ABHD2: variants seen among roughly 807,000 people sequenced by gnomAD.
ABHD2 encodes monoacylglycerol lipase ABHD2.
ABHD2 carries 20 observed loss-of-function variants against 48.1 expected under a neutral mutation model. The ratio of observed to expected loss-of-function variants is 0.42; its 90% confidence interval spans 0.29 to 0.60. The LOEUF is 0.60. Ranked by LOEUF, ABHD2 falls within the 20% of genes least tolerant of loss-of-function variation. ABHD2 has a pLI of 0.24. For missense variants in ABHD2, 405 were observed against 550.9 expected (o/e 0.74, Z 2.65); for synonymous variants, 209 against 214.2 (o/e 0.98, Z 0.21).
rs1301766923 is a variant in ABHD2, at chr15:89,196,833, A to T, written c.*1410A>T. 2.0e-5 allele frequency: 3 copies of T among 152,620 alleles called. No homozygotes were observed. The highest frequency in any genetic ancestry group is 7.2e-5 in the African/African-American group (3 of 41,450). 9.5% of individuals were successfully genotyped at this position (152,620 alleles called of 1,614,324 possible). A position where few individuals can be genotyped will look rare whatever the true frequency, so the allele number is the denominator to read the frequency against. On this transcript the variant is annotated 3_prime_UTR_variant, in exon 11 of 11. Transcript: ENST00000352732. ...AGTGTGTCTTCTCAAGTGAAAACGC[A>T]ACTCTAGGTTTCAAGTACTCCTTTT...
chr15:89,093,965 G>C (rs184969320), intron 1 of ABHD2: 1 of 152,000 alleles, frequency 6.6e-6, no homozygotes, highest in Non-Finnish European at 1.5e-5. Flanking sequence ...CTTAACCTTC[G>C]TCTTGCTTTT....
At chr15:89,103,167 A>G (rs1179922503) in intron 1 of ABHD2, among the ~76,000 whole-genome samples, 1 of 152,240 alleles carries the variant, frequency 6.6e-6, no homozygotes. Flanking sequence ...AGTCAAGCTC[A>G]GGACTACTTG....
chr15:89,194,015 C>A (rs1440198987), intron 10 of ABHD2, among the ~76,000 whole-genome samples: 2 of 151,980 alleles, frequency 1.3e-5, no homozygotes. Context: ...CACTTGAGTC[C>A]AGAAGTTCGA....
Position 89,195,273 on chromosome 15 carries a change from CT to C in ABHD2, c.1130del (p.Leu377TrpfsTer14). On this transcript the variant is annotated frameshift_variant, in exon 11 of 11. Transcript: ENST00000352732. LOFTEE classifies it high-confidence loss of function. This position sits in a 1 kb window ranked among gnomAD's most constrained non-coding sequence, Gnocchi z 5.1. ...MFVLPLHGGH[L>X]GFFEGSVLFP... Reference sequence around the variant, plus strand: ...TTGTGCTGCCTCTGCATGGGGGCCACTTGGGCTTCTTTGAGGGCTCTGTGCT... The same window carrying C: ...TTGTGCTGCCTCTGCATGGGGGCCACTGGGCTTCTTTGAGGGCTCTGTGCT... The C allele has an allele frequency of 6.2e-7, 1 of 1,614,210 alleles. No homozygotes were observed. The highest frequency in any genetic ancestry group is 8.5e-7 in the Non-Finnish European group (1 of 1,180,030).
rs2050954924 is a variant in ABHD2, at chr15:89,173,052, T to G, written c.539-2760T>G. 6.6e-6 allele frequency among the ~76,000 whole-genome samples: 1 copy of G among 152,240 alleles called. No homozygotes were observed. The highest frequency in any genetic ancestry group is 1.5e-5 in the Non-Finnish European group (1 of 68,038). ...TTAGCCATGAGGCCAGGCTGCTCCT[T>G]TAAGGCCTGGTTTTCAGTGCCTGTT... On this transcript the variant is annotated intron_variant, in intron 5 of 10. Coordinates refer to ENST00000352732, the MANE Select transcript of ABHD2 (RefSeq NM_152924.5). This position sits in a 1 kb window ranked among gnomAD's most constrained non-coding sequence, Gnocchi z 6.5.
chr15:89,114,397 T>G lies in ABHD2; in HGVS notation c.-7+573T>G, dbSNP rs2049923305. ...AGACCCCAAGTTAAGGATCCTTGTT[T>G]TAGGGGTTTATAGACAGCTTTCAGG... On this transcript the variant is annotated intron_variant, in intron 2 of 10. Coordinates refer to ENST00000352732, the MANE Select transcript of ABHD2 (RefSeq NM_152924.5). The surrounding 1 kb of genome is among the most constrained non-coding windows in gnomAD (Gnocchi z 4.2). Among the ~76,000 whole-genome samples, 1 of 152,160 alleles carries G rather than the reference T, an allele frequency of 6.6e-6. No individual in the cohort carries two copies. Among genetic ancestry groups the G allele is most frequent in the Non-Finnish European group, 1.5e-5 (1 of 68,028 alleles).
At chr15:89,046,122 G>T in the ABHD2 span, among the ~76,000 whole-genome samples, 3 of 152,242 alleles carry the variant, frequency 2.0e-5, no homozygotes, top group African/African-American at 4.8e-5. Context: ...GTTGAATTTT[G>T]TCAAAGGCCT....
Position 89,188,108 on chromosome 15 carries a change from G to A in ABHD2, c.816-85G>A. 1 of 1,185,376 alleles carries A rather than the reference G, an allele frequency of 8.4e-7. No homozygotes were observed. Among genetic ancestry groups the A allele is most frequent in the Non-Finnish European group, 1.2e-6 (1 of 801,728 alleles). The allele number at this position is 1,185,376 out of a possible 1,614,324, so 73.4% of individuals were successfully genotyped here. ...ACTGACCACGTTGGCTCTCCCTCCT[G>A]GCTTGCTGTGGCAAGGAAGCAGGCT... is the stretch of plus-strand genomic sequence containing the variant. On this transcript the variant is annotated intron_variant, in intron 7 of 10. Transcript: ENST00000352732. The surrounding 1 kb of genome is among the most constrained non-coding windows in gnomAD (Gnocchi z 4.1).
At chr15:89,046,175 T>C in the ABHD2 span, among the ~76,000 whole-genome samples, 1 of 152,178 alleles carries the variant, frequency 6.6e-6, no homozygotes, top group Admixed American at 6.5e-5. Flanking sequence ...TTGTCTTTGG[T>C]TCTGTTTATG....
intron 3 of ABHD2, among the ~76,000 whole-genome samples, chr15:89,148,862 TTA>T (rs2050542360): frequency 1.3e-5 from 2 of 152,232 alleles, no homozygotes. Context: ...TCTTCAGTAT[TTA>T]TATGTTTATA....
chr15:89,113,170 C>T (rs766852285), intron 1 of ABHD2, among the ~76,000 whole-genome samples: 1 of 152,194 alleles, frequency 6.6e-6, no homozygotes, highest in Non-Finnish European at 1.5e-5. Context: ...CAGCCTCTGG[C>T]CATAGTCTGA....
At chr15:89,110,768 T>C (rs1405319714) in intron 1 of ABHD2, among the ~76,000 whole-genome samples, 3 of 152,200 alleles carry the variant, frequency 2.0e-5, no homozygotes, top group Admixed American at 2.0e-4. Context: ...TCTCATAGAA[T>C]TGCCTTCCCT....
the ABHD2 span, among the ~76,000 whole-genome samples, chr15:89,072,612 A>G: frequency 3.3e-5 from 5 of 151,120 alleles, no homozygotes; most frequent in Non-Finnish European, 7.4e-5. Context: ...GAGGGAAGGG[A>G]AAGTTAAGTT....
At chr15:89,153,770 C>T (rs188303706) in intron 4 of ABHD2, among the ~76,000 whole-genome samples, 2 of 152,212 alleles carry the variant, frequency 1.3e-5, no homozygotes, top group East Asian at 3.9e-4. Context: ...ATAATTTTGT[C>T]ACCCAACATA....
chr15:89,131,226 T>A (rs1221197129), intron 3 of ABHD2, among the ~76,000 whole-genome samples: 2 of 152,198 alleles, frequency 1.3e-5, no homozygotes, highest in Non-Finnish European at 2.9e-5. Flanking sequence ...TTCTTCCCTA[T>A]ATTCCTTGTG....
chr15:89,076,833 T>C, the ABHD2 span, among the ~76,000 whole-genome samples: 1 of 152,226 alleles, frequency 6.6e-6, no homozygotes, highest in East Asian at 1.9e-4. Context: ...TTCCATTTGG[T>C]TGATCTATCT....
chr15:89,197,906 T>G lies in ABHD2; in HGVS notation c.*2483T>G, dbSNP rs977099567. 6.6e-6 allele frequency: 1 copy of G among 152,224 alleles called. No homozygotes were observed. The highest frequency in any genetic ancestry group is 2.4e-5 in the African/African-American group (1 of 41,444). 9.4% of individuals were successfully genotyped at this position (152,224 alleles called of 1,614,324 possible). The stretch of plus-strand genomic sequence containing the variant: ...CATGAAACTAACTGAAGCCCTTTGT[T>G]CAAGCTTCAGGCTCTTAGGCATGGA... On this transcript the variant is annotated 3_prime_UTR_variant, in exon 11 of 11. Transcript: ENST00000352732. This position sits in a 1 kb window ranked among gnomAD's most constrained non-coding sequence, Gnocchi z 4.4.
At chr15:89,098,646 T>C (rs1405870821) in intron 1 of ABHD2, among the ~76,000 whole-genome samples, 1 of 152,228 alleles carries the variant, frequency 6.6e-6, no homozygotes, top group African/African-American at 2.4e-5. Context: ...TTCTTGTCAA[T>C]GATGTTGACA....
In ABHD2 at chr15:89,195,345, C is replaced by T. The variant is rs147741950; in HGVS notation, c.1200C>T (p.Tyr400=). 10,715 of 1,614,196 alleles carry T rather than the reference C, an allele frequency of 6.6e-3. 67 individuals are homozygous for T. Among genetic ancestry groups the T allele is most frequent in the South Asian group, 0.014 (1,296 of 91,092 alleles). ...GGATGGATAAGCTGGTGGTGGAGTA[C>T]GCCAACGCCATTTGCCAATGGGAGC... ...LTWMDKLVVE[Y]ANAICQWERN... Residue 400 remains tyrosine (Y), a synonymous_variant, in exon 11 of 11, where the codon TAC becomes TAT. Transcript: ENST00000352732. This position sits in a 1 kb window ranked among gnomAD's most constrained non-coding sequence, Gnocchi z 5.1.
Sources: gnomAD v4.1 joint callset for allele counts (sites outside exome capture counted in the v4.1 genomes callset) on GRCh38, gnomAD v4.1.1 for gene constraint, Gnocchi (gnomAD v3.1) non-coding constraint, MANE v1.5 for transcripts, NCBI Gene and HGNC (gene_info 2026-07-23, HGNC 2026-07-21) for gene names.